CCNY: variants seen among roughly 807,000 people sequenced by gnomAD.
CCNY encodes cyclin-Y.
Under a neutral mutation model 42.8 loss-of-function variants are expected in CCNY, and 19 were observed. The observed-to-expected ratio is 0.44, with a 90% CI of 0.31 to 0.65. The LOEUF is 0.65. Among genes scored for constraint, CCNY ranks in the 30% least tolerant of loss-of-function variants. The probability of loss-of-function intolerance (pLI) is 0.07; values close to 1 mark genes in which losing one functional copy is unlikely to be tolerated. For missense variants in CCNY, 370 were observed against 437.3 expected, an observed-to-expected ratio of 0.85 and a Z score of 1.37; for synonymous variants, 165 against 162.7, an observed-to-expected ratio of 1.01 and a Z score of -0.11.
chr10:35,350,309 CT>C (rs1191387942), intron 1 of CCNY, among the ~76,000 whole-genome samples: 1 of 151,990 alleles, frequency 6.6e-6, no homozygotes, highest in Non-Finnish European at 1.5e-5. Context: ...AATTTTTCTT[CT>C]TTTATCCAGC....
chr10:35,557,847 C>A (rs1841390446), intron 8 of CCNY, among the ~76,000 whole-genome samples: 1 of 152,118 alleles, frequency 6.6e-6, no homozygotes, highest in Admixed American at 6.5e-5. Flanking sequence ...GTAGTTTGTT[C>A]TTTCATTAGT....
chr10:35,557,471 C>G (rs1312293576), intron 8 of CCNY, among the ~76,000 whole-genome samples: 1 of 152,144 alleles, frequency 6.6e-6, no homozygotes, highest in Non-Finnish European at 1.5e-5. Flanking sequence ...TATAGACATA[C>G]TAAAGCTGGG....
chr10:35,507,345 G>A (rs1217676377), intron 3 of CCNY, among the ~76,000 whole-genome samples: 1 of 152,092 alleles, frequency 6.6e-6, no homozygotes, highest in Non-Finnish European at 1.5e-5. Context: ...GATTTTAATA[G>A]TAGTAATACA....
At chr10:35,460,169 C>T (rs760360379) in intron 1 of CCNY, among the ~76,000 whole-genome samples, 2 of 152,148 alleles carry the variant, frequency 1.3e-5, no homozygotes, top group Non-Finnish European at 2.9e-5. Flanking sequence ...GTCTCCCTGC[C>T]GCTTGGCAGC....
At chr10:35,395,456 T>C (rs2474537) in intron 1 of CCNY, among the ~76,000 whole-genome samples, 56,874 of 151,850 alleles carry the variant, frequency 0.37, 10,848 homozygotes, top group African/African-American at 0.42. Flanking sequence ...CCTCAGGGGT[T>C]AGGGGGATTC....
chr10:35,466,222 C>T (rs1291599151), intron 1 of CCNY, among the ~76,000 whole-genome samples: 1 of 151,918 alleles, frequency 6.6e-6, no homozygotes, highest in African/African-American at 2.4e-5. Flanking sequence ...GAGAGAGGCA[C>T]GGAAGTGAGC....
chr10:35,495,733 G>A (rs1033792818), intron 2 of CCNY, among the ~76,000 whole-genome samples: 2 of 152,162 alleles, frequency 1.3e-5, no homozygotes, highest in African/African-American at 4.8e-5. Context: ...AGGATGCTTT[G>A]TTCTGGGCTC....
chr10:35,312,339 C>T (rs890290611), intron 3 of CCNY, among the ~76,000 whole-genome samples: 4 of 146,156 alleles, frequency 2.7e-5, no homozygotes, highest in Admixed American at 1.4e-4. Context: ...CGAGATTGCG[C>T]CACTGCACTC....
chr10:35,325,834 T>C (rs927100449), intron 3 of CCNY, among the ~76,000 whole-genome samples: 4 of 152,086 alleles, frequency 2.6e-5, no homozygotes, highest in African/African-American at 9.7e-5. Context: ...ATCCCAAAAC[T>C]TTGGGAAGCC....
At chr10:35,489,871 G>A (rs908692281) in intron 2 of CCNY, among the ~76,000 whole-genome samples, 2 of 152,220 alleles carry the variant, frequency 1.3e-5, no homozygotes, top group South Asian at 2.1e-4. Flanking sequence ...TTTACCAAAT[G>A]TAGCACATGA....
At chr10:35,282,901 G>A (rs1314326887) in intron 3 of CCNY, among the ~76,000 whole-genome samples, 2 of 151,962 alleles carry the variant, frequency 1.3e-5, no homozygotes, top group East Asian at 1.9e-4. Context: ...TACATCTTAC[G>A]GTGCCCAAGC....
intron 1 of CCNY, among the ~76,000 whole-genome samples, chr10:35,465,938 A>AGAGAGAGAGT: frequency 2.3e-3 from 184 of 81,014 alleles, no homozygotes; most frequent in African/African-American, 7.2e-3. Context: ...AGAGAGAGAG[A>AGAGAGAGAGT]GTGTGTGTGT....
chr10:35,355,706 A>AG (rs1836533412), intron 1 of CCNY, among the ~76,000 whole-genome samples: 1 of 147,526 alleles, frequency 6.8e-6, no homozygotes, highest in Non-Finnish European at 1.5e-5. Context: ...AAAAAAAAAA[A>AG]GAGGAATGTT....
At chr10:35,265,569 G>A (rs922242276) in intron 3 of CCNY, among the ~76,000 whole-genome samples, 25 of 152,236 alleles carry the variant, frequency 1.6e-4, no homozygotes, top group African/African-American at 6.0e-4. Context: ...TGACCGTGCA[G>A]CCAGCGTTGA....
chr10:35,556,711 G>T (rs112782204), intron 8 of CCNY, among the ~76,000 whole-genome samples: 1 of 152,108 alleles, frequency 6.6e-6, no homozygotes, highest in Non-Finnish European at 1.5e-5. Context: ...TCCTGATTAC[G>T]CAGAGGTACT....
rs371761408 is a variant in CCNY at position 35,479,862 on chromosome 10, T to C, written c.155-3542T>C. Among the ~76,000 whole-genome samples the C allele has an allele frequency of 1.3e-4, 20 of 152,322 alleles. 1 individual carries two copies. In the South Asian group the frequency reaches 3.7e-3, roughly 28 times the overall value. On this transcript the variant is annotated intron_variant, in intron 1 of 9. Transcript: ENST00000374704. ...TAAACATTGGGGATATCATTTTTCCTGACTCTGCAATGAGGGGATCTTTTT... is the reference window on the plus strand; with the variant it reads ...TAAACATTGGGGATATCATTTTTCCCGACTCTGCAATGAGGGGATCTTTTT...
At chr10:35,283,197 T>C (rs1345271289) in intron 3 of CCNY, among the ~76,000 whole-genome samples, 2 of 152,184 alleles carry the variant, frequency 1.3e-5, no homozygotes, top group Admixed American at 1.3e-4. Flanking sequence ...CACTAGATGA[T>C]AAAAACTATC....
intron 3 of CCNY, among the ~76,000 whole-genome samples, chr10:35,512,096 G>A (rs1381298856): frequency 6.6e-6 from 1 of 152,210 alleles, no homozygotes; most frequent in Non-Finnish European, 1.5e-5. Flanking sequence ...ATGTGGAAAT[G>A]TACTTGGAAT....
intron 1 of CCNY, among the ~76,000 whole-genome samples, chr10:35,482,364 T>A (rs1360425716): frequency 6.6e-6 from 1 of 152,262 alleles, no homozygotes; most frequent in African/African-American, 2.4e-5. Context: ...AAGACCATTC[T>A]GGCTTTCCAG....
Sources: allele counts gnomAD v4.1 joint callset (sites outside exome capture counted in the v4.1 genomes callset), GRCh38; gene constraint gnomAD v4.1.1; transcripts MANE v1.5; gene names NCBI Gene and HGNC (gene_info 2026-07-23, HGNC 2026-07-21).